Variants in TSPAN32 observed in about 807,000 individuals in gnomAD.
TSPAN32 encodes tetraspanin 32.
TSPAN32 carries 47 observed loss-of-function variants against 42.7 expected under a neutral mutation model. The ratio of observed to expected loss-of-function variants is 1.10; its 90% CI spans 0.87 to 1.40. The LOEUF is 1.40. Ranked by LOEUF, TSPAN32 falls within the 40% of genes most tolerant of loss-of-function variation. The pLI is 0.00. For missense variants in TSPAN32, 469 were observed against 424.1 expected, an observed-to-expected ratio of 1.11 and a Z score of -0.93; for synonymous variants, 175 against 175.9, an observed-to-expected ratio of 0.99 and a Z score of 0.04.
At chr11:2,308,684 G>C in intron 3 of TSPAN32, 52 bp from the exon 4 acceptor site, 1 of 689,086 alleles carries the variant, frequency 1.5e-6, no homozygotes, top group Non-Finnish European at 2.3e-6. Flanking sequence ...GCAGCGACCA[G>C]CCCCCCGCAG....
rs1451509612 is a variant in TSPAN32 at position 2,304,836 on chromosome 11, G to A, written c.279+632G>A. ...TGGTCCCTGCCACTCGATGGTCATC[G>A]CAGACCCCACCTGGCGGCAGCCTCC... On this transcript the variant is annotated intron_variant, in intron 3 of 9. Transcript: ENST00000182290. This position sits in a 1 kb window ranked among gnomAD's most constrained non-coding sequence, Gnocchi z 4.8. Among the ~76,000 whole-genome samples, 2 of 151,728 alleles carry A rather than the reference G, an allele frequency of 1.3e-5. No individual in the cohort carries two copies. The highest frequency in any genetic ancestry group is 4.8e-5 in the African/African-American group (2 of 41,246).
intron 3 of TSPAN32, chr11:2,306,861 AGAAGAAGGAGGGAGGG>A (rs1848133492): frequency 1.6e-5 from 1 of 61,986 alleles, no homozygotes; most frequent in African/African-American, 6.8e-5. Context: ...GGGAGGGGGG[AGAAGAAGGAGGGAGGG>A]GGAGAAGGGA....
intron 4 of TSPAN32, among the ~76,000 whole-genome samples, chr11:2,311,384 C>T (rs1425233040): frequency 6.6e-6 from 1 of 152,186 alleles, no homozygotes; most frequent in Non-Finnish European, 1.5e-5. Context: ...TAATTACGTT[C>T]TCCTCGAGGG....
rs1308114400 is a variant in TSPAN32 at position 2,317,005 on chromosome 11, G to T, written c.719+338G>T. ...ATACCCCAGAGCTCCTCATGCTTAG[G>T]GGGCAGGGAGGGTCCAACCCACAGC... On this transcript the variant is annotated intron_variant, in intron 8 of 9. Coordinates refer to ENST00000182290, the MANE Select transcript of TSPAN32 (RefSeq NM_139022.3). The surrounding 1 kb of genome is among the most constrained non-coding windows in gnomAD (Gnocchi z 6.2). Among the ~76,000 whole-genome samples the T allele has an allele frequency of 2.6e-5, 4 of 151,934 alleles. No homozygotes were observed. The East Asian group carries it at 5.8e-4, about 22-fold the overall frequency.
rs2133379956 is a variant in TSPAN32 at position 2,315,855 on chromosome 11, C to T, written c.544-374C>T. 2.2e-6 allele frequency: 3 copies of T among 1,386,792 alleles called. No homozygotes were observed. In the South Asian group the frequency reaches 3.7e-5, roughly 17 times the overall value. 85.9% of individuals were successfully genotyped at this position (1,386,792 alleles called of 1,614,324 possible). ...CCTGCCCTCCCTGTTAGCCATCACC[C>T]TCTGGTCACCAAGGTGCTGTGCCCG... On this transcript the variant is annotated intron_variant, in intron 6 of 9. Transcript: ENST00000182290.
rs1473740094 is a variant in TSPAN32, at chr11:2,317,731, C to T, written c.902-132C>T. The T allele has an allele frequency of 2.6e-6, 4 of 1,514,170 alleles. No homozygotes were observed. The highest frequency in any genetic ancestry group is 3.5e-6 in the Non-Finnish European group (4 of 1,140,152). The allele number at this position is 1,514,170 out of a possible 1,614,324, so 93.8% of individuals were successfully genotyped here. A position where few individuals can be genotyped will look rare whatever the true frequency, so the allele number is the denominator to read the frequency against. On this transcript the variant is annotated intron_variant, in intron 9 of 9. Transcript: ENST00000182290. This position sits in a 1 kb window ranked among gnomAD's most constrained non-coding sequence, Gnocchi z 6.2. ...CCACACTGGAGGCAGCAGCCCAGGG[C>T]AGACTGCAAGACACTGGTGGCCCAC...
intron 4 of TSPAN32, among the ~76,000 whole-genome samples, chr11:2,311,813 A>G (rs939158278): frequency 6.6e-6 from 1 of 152,230 alleles, no homozygotes; most frequent in African/African-American, 2.4e-5. Flanking sequence ...TGAGAAACAC[A>G]GGCCCCAGGC....
Position 2,317,680 on chromosome 11 carries a change from C to T in TSPAN32, c.901+155C>T, listed in dbSNP as rs960231263. The T allele has an allele frequency of 2.5e-5, 25 of 985,288 alleles. No homozygotes were observed. The highest frequency in any genetic ancestry group is 2.1e-4 in the African/African-American group (12 of 57,234). 61.0% of individuals were successfully genotyped at this position (985,288 alleles called of 1,614,324 possible). ...AGCTCACCAAATCCCTCCATGGGAA[C>T]GGGCTGGGAGCAAGCACAAAGGAAA... On this transcript the variant is annotated intron_variant, in intron 9 of 9. Transcript: ENST00000182290. This position sits in a 1 kb window ranked among gnomAD's most constrained non-coding sequence, Gnocchi z 6.2.
In TSPAN32 at chr11:2,304,280, G is replaced by A. The variant is rs1267813912; in HGVS notation, c.279+76G>A. On this transcript the variant is annotated intron_variant, in intron 3 of 9. Coordinates refer to ENST00000182290, the MANE Select transcript of TSPAN32 (RefSeq NM_139022.3). This position sits in a 1 kb window ranked among gnomAD's most constrained non-coding sequence, Gnocchi z 4.8. ...AGGAGTGAAGAGCTGGCAGGGCTGTGTGCCACCCCCACACCTGAGTGACCA... is the reference window on the plus strand; with the variant it reads ...AGGAGTGAAGAGCTGGCAGGGCTGTATGCCACCCCCACACCTGAGTGACCA... 1 of 1,106,222 alleles carries A rather than the reference G, an allele frequency of 9.0e-7. No homozygotes were observed. Among genetic ancestry groups the A allele is most frequent in the Non-Finnish European group, 1.3e-6 (1 of 791,776 alleles). The allele number at this position is 1,106,222 out of a possible 1,614,324, so 68.5% of individuals were successfully genotyped here.
At chr11:2,310,586 A>G (rs1441382827) in intron 4 of TSPAN32, among the ~76,000 whole-genome samples, 1 of 152,136 alleles carries the variant, frequency 6.6e-6, no homozygotes, top group African/African-American at 2.4e-5. Context: ...GTGGCCATGG[A>G]GGTGGCCTGG....
chr11:2,305,380 C>CCCCGGGGGGGTGTGGCCCG (rs1312184936), intron 3 of TSPAN32, among the ~76,000 whole-genome samples: 1 of 151,762 alleles, frequency 6.6e-6, no homozygotes, highest in African/African-American at 2.4e-5. Context: ...GCCCCCCCCC[C>CCCCGGGGGGGTGTGGCCCG]CAGAGGGTGT....
At chr11:2,316,694 C>T in intron 8 of TSPAN32, 27 bp downstream of exon 8, 2 of 1,514,100 alleles carry the variant, frequency 1.3e-6, no homozygotes, top group African/African-American at 1.4e-5. Context: ...GCCCCCACAC[C>T]CTCTGGAAGG....
At chr11:2,309,897 A>C (rs977533028) in intron 4 of TSPAN32, 1 of 154,354 alleles carries the variant, frequency 6.5e-6, no homozygotes, top group African/African-American at 2.4e-5. Context: ...CAGGCTTACG[A>C]CAAAGGCTCT....
Position 2,302,801 on chromosome 11 carries a change from C to T in TSPAN32, c.67-43C>T, listed in dbSNP as rs201341195. On this transcript the variant is annotated intron_variant, in intron 1 of 9. Transcript: ENST00000182290. ...GCTGGGGCCGAGCTCCCTGCTCCTG[C>T]AGCAGTCCCATGCCCCACACTCTGA... is the stretch of plus-strand genomic sequence containing the variant. The T allele has an allele frequency of 1.3e-5, 20 of 1,553,108 alleles. No homozygotes were observed. In the East Asian group the frequency reaches 4.5e-4, roughly 35 times the overall value.
Position 2,302,143 on chromosome 11 carries a change from A to G in TSPAN32, c.-7A>G, listed in dbSNP as rs756986960. The G allele has an allele frequency of 4.8e-6, 7 of 1,468,680 alleles. No individual in the cohort carries two copies. The highest frequency in any genetic ancestry group is 9.0e-7 in the Non-Finnish European group (1 of 1,109,462). The allele number at this position is 1,468,680 out of a possible 1,614,324, so 91.0% of individuals were successfully genotyped here. A position where few individuals can be genotyped will look rare whatever the true frequency, so the allele number is the denominator to read the frequency against. On this transcript the variant is annotated 5_prime_UTR_variant, in exon 1 of 10. Transcript: ENST00000182290. Reference sequence around the variant, plus strand: ...GGAGGGGAGGAGAGGAGAGGAGAGGAACCGTCATGGGGCCTTGGAGTCGAG... The same window carrying G: ...GGAGGGGAGGAGAGGAGAGGAGAGGGACCGTCATGGGGCCTTGGAGTCGAG...
intron 1 of TSPAN32, 116 bp downstream of exon 1, chr11:2,302,331 C>G (rs1429027879): frequency 1.8e-6 from 2 of 1,142,512 alleles, no homozygotes; most frequent in Non-Finnish European, 2.3e-6. Context: ...GCCCTACTGT[C>G]CCTGTCCTGC....
intron 6 of TSPAN32, chr11:2,315,720 A>G: frequency 1.7e-6 from 2 of 1,211,884 alleles, no homozygotes; most frequent in African/African-American, 1.6e-5. Context: ...CCCTTTTCTG[A>G]AAAGATGCCT....
rs1324852647 is a variant in TSPAN32, at chr11:2,314,481, G to A, written c.457-4G>A. On this transcript the variant is annotated splice_polypyrimidine_tract_variant and splice_region_variant and intron_variant, in intron 5 of 9. Coordinates refer to ENST00000182290, the MANE Select transcript of TSPAN32 (RefSeq NM_139022.3). ...TCACCACTCCCTCCCTTCTGTTCCT[G>A]TAGTTTCTGTGCTGTGGGAAGAAGT... is the stretch of plus-strand genomic sequence containing the variant. 1.9e-6 allele frequency: 3 copies of A among 1,609,702 alleles called. No individual in the cohort carries two copies. In the African/African-American group the frequency reaches 4.0e-5, roughly 21 times the overall value.
intron 4 of TSPAN32, chr11:2,310,015 GC>G (rs1848373353): frequency 6.6e-6 from 1 of 152,616 alleles, no homozygotes; most frequent in Non-Finnish European, 1.5e-5. Context: ...GAGGGGCTGA[GC>G]CCCCAGAAGA....
Sources: allele counts gnomAD v4.1 joint callset (sites outside exome capture counted in the v4.1 genomes callset), GRCh38; gene constraint gnomAD v4.1.1; non-coding constraint Gnocchi (gnomAD v3.1); transcripts MANE v1.5; gene names NCBI Gene and HGNC (gene_info 2026-07-23, HGNC 2026-07-21).